Variants in CHRNA7 observed in about 807,000 individuals in gnomAD.
CHRNA7 encodes the protein cholinergic receptor nicotinic alpha 7 subunit, also known as neuronal acetylcholine receptor subunit alpha-7.
Under a neutral mutation model 48.0 loss-of-function variants are expected in CHRNA7, and 17 were observed. The ratio of observed to expected loss-of-function variants is 0.35; its 90% confidence interval spans 0.24 to 0.53. CHRNA7 has a LOEUF of 0.53. Among genes scored for constraint, CHRNA7 ranks in the 20% least tolerant of loss-of-function variants. The pLI is 0.92. For missense variants in CHRNA7, 155 were observed against 577.7 expected (o/e 0.27, Z 7.50); for synonymous variants, 75 against 242.3 (o/e 0.31, Z 6.41).
In CHRNA7 at chr15:32,149,610, T is replaced by C. The variant is rs144046668; in HGVS notation, c.351-4297T>C. On this transcript the variant is annotated intron_variant, in intron 4 of 9. Transcript: ENST00000306901. The surrounding 1 kb of genome is among the most constrained non-coding windows in gnomAD (Gnocchi z 4.6). ...TATGTACTTATAAAATCAATTTGCCTATGGGAAAGAAGCGTAAAACTACCA... is the reference window on the plus strand; with the variant it reads ...TATGTACTTATAAAATCAATTTGCCCATGGGAAAGAAGCGTAAAACTACCA... Among the ~76,000 whole-genome samples the C allele has an allele frequency of 7.8e-4, 119 of 152,328 alleles. No homozygotes were observed. The highest frequency in any genetic ancestry group is 1.5e-3 in the Non-Finnish European group (101 of 68,030).
intron 4 of CHRNA7, among the ~76,000 whole-genome samples, chr15:32,114,036 A>ATATATG (rs2050812649): frequency 1.2e-5 from 1 of 80,270 alleles, no homozygotes; most frequent in Non-Finnish European, 2.3e-5. Flanking sequence ...ATATATATAT[A>ATATATG]TATATATGTA....
intron 4 of CHRNA7, among the ~76,000 whole-genome samples, chr15:32,131,959 C>A (rs112048570): frequency 0.012 from 1,807 of 149,002 alleles, 39 homozygotes; most frequent in African/African-American, 0.042. Flanking sequence ...TCCAGGCTCC[C>A]CAAGTGTTCT....
intron 2 of CHRNA7, 119 bp downstream of exon 2, chr15:32,031,156 G>GCATGGCCCTGC: frequency 2.6e-6 from 3 of 1,169,516 alleles, no homozygotes; most frequent in Non-Finnish European, 3.7e-6. Context: ...TTGGCCCCAA[G>GCATGGCCCTGC]CTAGGCAGGG....
chr15:32,108,462 T>C (rs2050708049), intron 3 of CHRNA7, among the ~76,000 whole-genome samples: 1 of 152,246 alleles, frequency 6.6e-6, no homozygotes, highest in South Asian at 2.1e-4. Context: ...TGCCCCCTGT[T>C]CCCGAGGGAC....
chr15:32,077,821 C>A (rs1188764145), intron 2 of CHRNA7, among the ~76,000 whole-genome samples: 1 of 151,842 alleles, frequency 6.6e-6, no homozygotes, highest in Non-Finnish European at 1.5e-5. Flanking sequence ...AGAGAGGAAG[C>A]AAGAGAGAAA....
chr15:32,085,424 T>G (rs1388780252), intron 2 of CHRNA7, among the ~76,000 whole-genome samples: 2 of 152,248 alleles, frequency 1.3e-5, no homozygotes, highest in African/African-American at 4.8e-5. Context: ...TAGCACCATA[T>G]TCCATTCATT....
chr15:32,125,511 T>C (rs1292255318), intron 4 of CHRNA7, among the ~76,000 whole-genome samples: 1 of 150,674 alleles, frequency 6.6e-6, no homozygotes, highest in Admixed American at 6.6e-5. Flanking sequence ...GGCTGCCTAG[T>C]AGACTCTAGA....
intron 4 of CHRNA7, among the ~76,000 whole-genome samples, chr15:32,150,421 C>T (rs909370927): frequency 6.6e-5 from 10 of 152,136 alleles, no homozygotes; most frequent in Non-Finnish European, 1.2e-4. Context: ...CATCCCACGT[C>T]TGGTGCGGGT....
chr15:32,047,558 C>A (rs371725769), intron 2 of CHRNA7, among the ~76,000 whole-genome samples: 13 of 152,126 alleles, frequency 8.5e-5, no homozygotes, highest in South Asian at 6.2e-4. Flanking sequence ...TTATCAGCTT[C>A]AGGAGATTTT....
Position 32,090,289 on chromosome 15 carries a change from T to A in CHRNA7, c.196-11014T>A, listed in dbSNP as rs549328213. Among the ~76,000 whole-genome samples the A allele has an allele frequency of 2.0e-3, 311 of 152,256 alleles. 1 individual carries two copies. The highest frequency in any genetic ancestry group is 3.7e-3 in the South Asian group (18 of 4,822). On this transcript the variant is annotated intron_variant, in intron 2 of 9. Transcript: ENST00000306901. ...TGGAGAAGGCTCTGGGTGACCTGTTTCCCAGTGATTACTTCTCCCCTTCTC... is the reference window on the plus strand; with the variant it reads ...TGGAGAAGGCTCTGGGTGACCTGTTACCCAGTGATTACTTCTCCCCTTCTC...
chr15:32,128,691 T>G (rs560379739), intron 4 of CHRNA7, among the ~76,000 whole-genome samples: 1 of 151,942 alleles, frequency 6.6e-6, no homozygotes, highest in Non-Finnish European at 1.5e-5. Flanking sequence ...ATTTTCCACA[T>G]AGACCATCAT....
chr15:32,133,396 T>C (rs1198257563), intron 4 of CHRNA7, among the ~76,000 whole-genome samples: 3 of 151,940 alleles, frequency 2.0e-5, no homozygotes, highest in African/African-American at 7.3e-5. Flanking sequence ...GGCAGGAGGG[T>C]GGGGCCCGTG....
chr15:32,071,559 G>A (rs1339251322), intron 2 of CHRNA7, among the ~76,000 whole-genome samples: 5 of 152,086 alleles, frequency 3.3e-5, no homozygotes. Flanking sequence ...ATTGGAGGTG[G>A]GGCCTGGTGG....
intron 4 of CHRNA7, among the ~76,000 whole-genome samples, chr15:32,141,141 G>T (rs79723779): frequency 0.33 from 50,712 of 152,004 alleles, 8,742 homozygotes; most frequent in South Asian, 0.41. Flanking sequence ...TATACATATG[G>T]CTAGCCAGTT....
At chr15:32,091,780 CA>C (rs1159565305) in intron 2 of CHRNA7, among the ~76,000 whole-genome samples, 1 of 152,224 alleles carries the variant, frequency 6.6e-6, no homozygotes. Flanking sequence ...GCTATGGTGT[CA>C]GCTCACGTAC....
intron 2 of CHRNA7, among the ~76,000 whole-genome samples, chr15:32,094,343 T>G (rs1240813502): frequency 6.6e-6 from 1 of 152,218 alleles, no homozygotes; most frequent in Non-Finnish European, 1.5e-5. Context: ...ACTTAATTCC[T>G]AAGCCTTAAT....
At chr15:32,072,989 C>A (rs2050081907) in intron 2 of CHRNA7, among the ~76,000 whole-genome samples, 2 of 152,182 alleles carry the variant, frequency 1.3e-5, no homozygotes, top group African/African-American at 4.8e-5. Context: ...CCCACCAGGT[C>A]ACTGCCTACT....
At chr15:32,098,738 C>T (rs2050516083) in intron 2 of CHRNA7, 1 of 152,402 alleles carries the variant, frequency 6.6e-6, no homozygotes, top group Non-Finnish European at 1.5e-5. Context: ...TGGGTGAAGT[C>T]CATGTCCTTG....
intron 2 of CHRNA7, among the ~76,000 whole-genome samples, chr15:32,062,859 G>A (rs1001337973): frequency 3.3e-5 from 5 of 152,220 alleles, no homozygotes; most frequent in South Asian, 4.1e-4. Context: ...AGGCGATTTC[G>A]TTCTTGTACA....
Sources: gnomAD v4.1 joint callset for allele counts (sites outside exome capture counted in the v4.1 genomes callset) on GRCh38, gnomAD v4.1.1 for gene constraint, Gnocchi (gnomAD v3.1) non-coding constraint, MANE v1.5 for transcripts, NCBI Gene and HGNC (gene_info 2026-07-23, HGNC 2026-07-21) for gene names.